Variants in PALLD observed in about 807,000 individuals in gnomAD.
PALLD encodes palladin, cytoskeletal associated protein.
PALLD carries 61 observed loss-of-function variants against 123.5 expected under a neutral mutation model. The ratio of observed to expected loss-of-function variants is 0.49; its 90% CI spans 0.40 to 0.61. PALLD has a LOEUF of 0.61. Ranked by LOEUF, PALLD falls within the 20% of genes least tolerant of loss-of-function variation. The pLI, the probability that PALLD is intolerant of heterozygous loss-of-function variation, is 0.00. For synonymous variants in PALLD, 465 were observed against 496.4 expected, an observed-to-expected ratio of 0.94 and a Z score of 0.84; for missense variants, 1,273 against 1,377.0, an observed-to-expected ratio of 0.92 and a Z score of 1.20.
intron 10 of PALLD, among the ~76,000 whole-genome samples, chr4:168,883,591 C>G (rs1320840707): frequency 6.6e-6 from 1 of 152,144 alleles, no homozygotes; most frequent in African/African-American, 2.4e-5. Context: ...AGGATGCTTT[C>G]AAGATTATTC....
intron 2 of PALLD, among the ~76,000 whole-genome samples, chr4:168,539,857 T>G (rs564146486): frequency 6.6e-6 from 1 of 152,116 alleles, no homozygotes; most frequent in Non-Finnish European, 1.5e-5. Context: ...TGCAGGTTTG[T>G]TACATGGGTA....
At chr4:168,814,371 A>T (rs1212068413) in intron 10 of PALLD, among the ~76,000 whole-genome samples, 1 of 152,230 alleles carries the variant, frequency 6.6e-6, no homozygotes, top group East Asian at 1.9e-4. Context: ...TGTATCAAAT[A>T]TATCTACCAG....
chr4:168,759,179 CAAAA>C (rs1175955888), intron 10 of PALLD, among the ~76,000 whole-genome samples: 23 of 9,040 alleles, frequency 2.5e-3, no homozygotes, highest in African/African-American at 0.012. Flanking sequence ...GACTCCATCT[CAAAA>C]AAAAAAAAAA....
chr4:168,656,329 A>G (rs17054445), intron 2 of PALLD, among the ~76,000 whole-genome samples: 1,533 of 146,442 alleles, frequency 0.01, 21 homozygotes, highest in African/African-American at 0.035. Flanking sequence ...GTGGCTTGTC[A>G]GGTCATGCTG....
In PALLD at chr4:168,710,243, C is replaced by G. The variant is rs546967104; in HGVS notation, c.1621+1096C>G. Among the ~76,000 whole-genome samples the G allele has an allele frequency of 2.6e-5, 4 of 152,192 alleles. No homozygotes were observed. In the South Asian group the frequency reaches 8.3e-4, roughly 32 times the overall value. ...GATATTTTCTAAACTCAAAAACTTACCACTAGGGAAGGCAATATGAAACAG... is the reference window on the plus strand; with the variant it reads ...GATATTTTCTAAACTCAAAAACTTAGCACTAGGGAAGGCAATATGAAACAG... On this transcript the variant is annotated intron_variant, in intron 9 of 21. Transcript: ENST00000505667.
intron 3 of PALLD, among the ~76,000 whole-genome samples, chr4:168,670,790 A>C (rs1780180881): frequency 7.0e-6 from 1 of 143,690 alleles, no homozygotes. Flanking sequence ...AAAAAAAAAC[A>C]AAAAAAACAA....
At position 168,558,029 on chromosome 4, in the gene PALLD, C is replaced by T. The variant is rs77138581; in HGVS notation, c.908+45617C>T. Among the ~76,000 whole-genome samples, 1,415 of 152,282 alleles carry T rather than the reference C, an allele frequency of 9.3e-3. 30 individuals carry two copies. The highest frequency in any genetic ancestry group is 0.032 in the African/African-American group (1,323 of 41,544). ...CTCATTGAGTGCTTTGTAGGCTCTA[C>T]AGAGCCTATGCAGAGCCCTTCGTCT... On this transcript the variant is annotated intron_variant, in intron 2 of 21. Coordinates refer to ENST00000505667, the MANE Select transcript of PALLD (RefSeq NM_001166108.2).
At chr4:168,646,306 G>A (rs566059684) in intron 2 of PALLD, among the ~76,000 whole-genome samples, 1 of 152,330 alleles carries the variant, frequency 6.6e-6, no homozygotes, top group East Asian at 1.9e-4. Context: ...GTAGAATATT[G>A]ATGGTAAATT....
chr4:168,572,536 A>G (rs558566757), intron 2 of PALLD, among the ~76,000 whole-genome samples: 1 of 152,098 alleles, frequency 6.6e-6, no homozygotes, highest in East Asian at 1.9e-4. Flanking sequence ...CTAGGTGTGG[A>G]CGTTTAATAG....
At chr4:168,599,887 A>G (rs895754917) in intron 2 of PALLD, among the ~76,000 whole-genome samples, 1 of 137,766 alleles carries the variant, frequency 7.3e-6, no homozygotes, top group Admixed American at 7.2e-5. Context: ...AAAACAGTGC[A>G]TGTGTGTGTA....
intron 2 of PALLD, among the ~76,000 whole-genome samples, chr4:168,537,252 A>G (rs1765190235): frequency 6.6e-6 from 1 of 152,266 alleles, no homozygotes; most frequent in African/African-American, 2.4e-5. Context: ...ATAATTGGGC[A>G]CAAAAAACAG....
intron 2 of PALLD, among the ~76,000 whole-genome samples, chr4:168,577,414 A>G (rs1314727996): frequency 6.6e-6 from 1 of 152,194 alleles, no homozygotes; most frequent in Non-Finnish European, 1.5e-5. Context: ...CTTTAACAGT[A>G]GATAAACTAT....
intron 1 of PALLD, among the ~76,000 whole-genome samples, chr4:168,504,460 G>A (rs985167624): frequency 6.6e-6 from 1 of 152,084 alleles, no homozygotes; most frequent in African/African-American, 2.4e-5. Context: ...TGGGAGTGGT[G>A]GCAGGCACCT....
intron 10 of PALLD, among the ~76,000 whole-genome samples, chr4:168,883,791 G>A (rs1752955616): frequency 1.3e-5 from 2 of 152,190 alleles, no homozygotes; most frequent in South Asian, 4.1e-4. Context: ...CAGTTGGGCT[G>A]AGTGTGTATA....
intron 10 of PALLD, among the ~76,000 whole-genome samples, chr4:168,800,256 T>C (rs1739131489): frequency 1.3e-5 from 2 of 152,146 alleles, no homozygotes; most frequent in South Asian, 4.2e-4. Context: ...ATTTGATAAG[T>C]AGTTCAAATA....
At chr4:168,794,180 T>C (rs190026434) in intron 10 of PALLD, among the ~76,000 whole-genome samples, 266 of 152,058 alleles carry the variant, frequency 1.7e-3, no homozygotes, top group African/African-American at 6.2e-3. Context: ...GTGGATGGAG[T>C]TCCTGTGATA....
chr4:168,801,859 T>A (rs1313439223), intron 10 of PALLD, among the ~76,000 whole-genome samples: 1 of 152,190 alleles, frequency 6.6e-6, no homozygotes, highest in Non-Finnish European at 1.5e-5. Flanking sequence ...TGTGAACAAA[T>A]GAAGAATCTC....
chr4:168,515,712 T>C (rs1762927763), intron 2 of PALLD, among the ~76,000 whole-genome samples: 1 of 152,132 alleles, frequency 6.6e-6, no homozygotes, highest in Admixed American at 6.5e-5. Flanking sequence ...GGAGAAACCT[T>C]TACCTTGCAA....
At chr4:168,661,890 TC>T (rs1779170808) in intron 2 of PALLD, among the ~76,000 whole-genome samples, 1 of 152,172 alleles carries the variant, frequency 6.6e-6, no homozygotes, top group Admixed American at 6.5e-5. Flanking sequence ...GACAACTACT[TC>T]ACAAGGTACT....
Sources: allele counts gnomAD v4.1 joint callset (sites outside exome capture counted in the v4.1 genomes callset), GRCh38; gene constraint gnomAD v4.1.1; transcripts MANE v1.5; gene names NCBI Gene and HGNC (gene_info 2026-07-23, HGNC 2026-07-21).